The following TMEM116 variants were observed in gnomAD, a reference collection of about 807,000 sequenced individuals.
TMEM116 encodes the protein transmembrane protein 116.
In TMEM116, 38 loss-of-function variants were observed where a neutral mutation model predicts 44.3. The ratio of observed to expected loss-of-function variants is 0.86; its 90% CI spans 0.66 to 1.12. The LOEUF is 1.12. TMEM116 is among the 50% of genes most tolerant of loss of function. The pLI, the probability that TMEM116 is intolerant of heterozygous loss-of-function variation, is 0.00. For synonymous variants in TMEM116, 132 were observed against 144.8 expected (o/e 0.91, Z 0.64); for missense variants, 354 against 401.7 (o/e 0.88, Z 1.01).
intron 1 of TMEM116, among the ~76,000 whole-genome samples, chr12:112,008,151 C>T (rs559285485): frequency 2.6e-5 from 4 of 152,230 alleles, no homozygotes; most frequent in African/African-American, 9.6e-5. Flanking sequence ...ACTGCACTCA[C>T]GCTCCAGCCT....
chr12:111,951,937 C>T (rs2073765433), intron 4 of TMEM116, among the ~76,000 whole-genome samples: 1 of 152,034 alleles, frequency 6.6e-6, no homozygotes, highest in African/African-American at 2.4e-5. Context: ...AGTGGCTGGG[C>T]ACGGTGGCTT....
chr12:111,931,777 C>T lies in TMEM116; in HGVS notation c.858G>A (p.Trp286Ter), dbSNP rs1255503914. ...TTAGTTGGTGGAATTTGTGCTGCGTCCAGCCATATACTCCACAGTTGAGTA... is the reference window on the plus strand; with the variant it reads ...TTAGTTGGTGGAATTTGTGCTGCGTTCAGCCATATACTCCACAGTTGAGTA... ...QGLLNCGVYG[W>*]TQHKFHQLKQ... The change falls in exon 11 of 11, where the codon TGG becomes TGA. Residue 286 changes from tryptophan (W) to a stop codon, truncating the protein, a stop_gained. Transcript: ENST00000552374. LOFTEE classifies it high-confidence loss of function. 2 of 1,596,220 alleles carry T rather than the reference C, an allele frequency of 1.3e-6. No homozygotes were observed. The highest frequency in any genetic ancestry group is 1.7e-6 in the Non-Finnish European group (2 of 1,171,704).
chr12:112,001,366 T>G (rs1344997042), intron 3 of TMEM116, among the ~76,000 whole-genome samples: 1 of 152,092 alleles, frequency 6.6e-6, no homozygotes, highest in Non-Finnish European at 1.5e-5. Context: ...CAGGCTGGAG[T>G]GCAGTGATAT....
intron 5 of TMEM116, among the ~76,000 whole-genome samples, chr12:111,940,331 C>A (rs2072619312): frequency 6.7e-6 from 1 of 149,826 alleles, no homozygotes; most frequent in Admixed American, 6.7e-5. Flanking sequence ...TATATCTATA[C>A]ATATAAAATA....
rs182054851 is a variant in TMEM116, at chr12:111,959,290, G to A, written c.211-15921C>T. On this transcript the variant is annotated intron_variant, in intron 4 of 10. Coordinates refer to ENST00000552374, the MANE Select transcript of TMEM116 (RefSeq NM_001193531.2). ...GATAAATAAAATCCTTTACAGACAA[G>A]CAAATTCTGAGAGATTTTGTCACCA... is the stretch of plus-strand genomic sequence containing the variant. 4.9e-3 allele frequency among the ~76,000 whole-genome samples: 745 copies of A among 152,276 alleles called. 10 individuals are homozygous for A. The highest frequency in any genetic ancestry group is 0.017 in the African/African-American group (686 of 41,550).
chr12:111,973,164 C>A (rs1308372944), intron 4 of TMEM116, among the ~76,000 whole-genome samples: 1 of 152,048 alleles, frequency 6.6e-6, no homozygotes, highest in African/African-American at 2.4e-5. Context: ...AATTAAAAAA[C>A]AAGTCAATAA....
At chr12:111,975,567 C>T (rs182554028) in intron 4 of TMEM116, among the ~76,000 whole-genome samples, 1 of 152,292 alleles carries the variant, frequency 6.6e-6, no homozygotes, top group African/African-American at 2.4e-5. Flanking sequence ...TTTCAAGAAA[C>T]GGTTTACAGC....
At chr12:111,964,873 G>A (rs2074881996) in intron 4 of TMEM116, among the ~76,000 whole-genome samples, 1 of 148,914 alleles carries the variant, frequency 6.7e-6, no homozygotes. Flanking sequence ...AAATTTTTTT[G>A]TAGAGACAGG....
At chr12:111,964,070 T>C (rs2074806998) in intron 4 of TMEM116, among the ~76,000 whole-genome samples, 1 of 151,036 alleles carries the variant, frequency 6.6e-6, no homozygotes, top group Admixed American at 6.6e-5. Flanking sequence ...GTTTTTCTCA[T>C]TTCTAAAATT....
chr12:111,943,264 C>G lies in TMEM116; in HGVS notation c.315+1G>C. On this transcript the variant is annotated splice_donor_variant, in intron 5 of 10. Transcript: ENST00000552374. LOFTEE classifies it high-confidence loss of function. Reference sequence around the variant, plus strand: ...AACTATCAGCCCTGAATAAAACTTACCAGTGGAGATGTGCTCTGTCCACTC... The same window carrying G: ...AACTATCAGCCCTGAATAAAACTTAGCAGTGGAGATGTGCTCTGTCCACTC... 3 of 1,608,298 alleles carry G rather than the reference C, an allele frequency of 1.9e-6. No individual in the cohort carries two copies. The highest frequency in any genetic ancestry group is 3.3e-4 in the Middle Eastern group (2 of 6,048).
intron 4 of TMEM116, among the ~76,000 whole-genome samples, chr12:111,959,788 A>G (rs1056875391): frequency 3.9e-5 from 6 of 152,252 alleles, no homozygotes; most frequent in Non-Finnish European, 7.3e-5. Context: ...AAAGGGATCA[A>G]TGCAACAAGA....
intron 8 of TMEM116, chr12:111,934,296 G>A: frequency 2.9e-6 from 1 of 345,138 alleles, no homozygotes; most frequent in South Asian, 4.1e-5. Flanking sequence ...CAACCTCTGG[G>A]CATTTCCCCC....
chr12:111,980,676 G>T (rs578178205), intron 4 of TMEM116, among the ~76,000 whole-genome samples: 36 of 152,218 alleles, frequency 2.4e-4, no homozygotes, highest in South Asian at 1.9e-3. Flanking sequence ...GGGTATGGTA[G>T]GTACCAGGGA....
chr12:111,937,275 C>A, intron 6 of TMEM116, 32 bp from the exon 7 acceptor site: 1 of 1,551,804 alleles, frequency 6.4e-7, no homozygotes, highest in Non-Finnish European at 8.9e-7. Flanking sequence ...ACCCTAATAT[C>A]CACTCTTTTT....
At chr12:111,965,146 G>T (rs56814171) in intron 4 of TMEM116, among the ~76,000 whole-genome samples, 29,776 of 151,862 alleles carry the variant, frequency 0.2, 3,131 homozygotes, top group Middle Eastern at 0.27. Context: ...CCTCTTCATC[G>T]GCTTGTATAA....
intron 3 of TMEM116, among the ~76,000 whole-genome samples, chr12:111,996,731 A>G (rs937742867): frequency 2.6e-5 from 4 of 152,206 alleles, no homozygotes; most frequent in Non-Finnish European, 5.9e-5. Flanking sequence ...ATGTACAAGA[A>G]TGCTTATACA....
At chr12:111,947,114 T>C (rs1266314493) in intron 4 of TMEM116, among the ~76,000 whole-genome samples, 2 of 152,106 alleles carry the variant, frequency 1.3e-5, no homozygotes, top group Admixed American at 1.3e-4. Flanking sequence ...TATTGGGTTT[T>C]TAATTAAAGT....
At chr12:111,990,124 A>G (rs2076464839) in intron 4 of TMEM116, among the ~76,000 whole-genome samples, 1 of 151,892 alleles carries the variant, frequency 6.6e-6, no homozygotes, top group South Asian at 2.1e-4. Flanking sequence ...GCGTGGTGGC[A>G]GGCGCCTGTA....
chr12:112,007,763 T>G (rs1593696662), intron 1 of TMEM116, among the ~76,000 whole-genome samples: 1 of 152,320 alleles, frequency 6.6e-6, no homozygotes, highest in African/African-American at 2.4e-5. Flanking sequence ...CATGCCAAAT[T>G]AGTCTGCTGC....
Sources: gnomAD v4.1 joint callset for allele counts (sites outside exome capture counted in the v4.1 genomes callset) on GRCh38, gnomAD v4.1.1 for gene constraint, MANE v1.5 for transcripts, NCBI Gene and HGNC (gene_info 2026-07-23, HGNC 2026-07-21) for gene names.